SETD3: variants seen among roughly 807,000 people sequenced by gnomAD.
SETD3 encodes actin-histidine N-methyltransferase.
In SETD3, 19 loss-of-function variants were observed where a neutral mutation model predicts 63.0. The ratio of observed to expected loss-of-function variants is 0.30; its 90% CI spans 0.21 to 0.44. The LOEUF (loss-of-function observed/expected upper bound fraction) is 0.44. Ranked by LOEUF, SETD3 falls within the 20% of genes least tolerant of loss-of-function variation. The pLI is 1.00. For synonymous variants in SETD3, 286 were observed against 264.1 expected (o/e 1.08, Z -0.80); for missense variants, 587 against 728.5 (o/e 0.81, Z 2.24).
intron 6 of SETD3, among the ~76,000 whole-genome samples, chr14:99,442,084 G>A (rs1893853665): frequency 6.6e-6 from 1 of 152,202 alleles, no homozygotes; most frequent in Non-Finnish European, 1.5e-5. Flanking sequence ...TGAAGCGGCT[G>A]TGGAGGACAC....
chr14:99,486,035 G>A, the SETD3 span, among the ~76,000 whole-genome samples: 4 of 152,028 alleles, frequency 2.6e-5, no homozygotes, highest in Admixed American at 2.6e-4. Context: ...CATTTAAACT[G>A]TACAAATCAG....
chr14:99,480,039 G>T (rs1896188780), intron 1 of SETD3, among the ~76,000 whole-genome samples: 1 of 151,930 alleles, frequency 6.6e-6, no homozygotes, highest in Non-Finnish European at 1.5e-5. Flanking sequence ...CTAAAGCACC[G>T]AATTGCCTCT....
intron 6 of SETD3, among the ~76,000 whole-genome samples, chr14:99,440,431 G>C (rs1205686206): frequency 6.6e-6 from 1 of 152,134 alleles, no homozygotes; most frequent in Non-Finnish European, 1.5e-5. Flanking sequence ...CGTGCGAAGT[G>C]GAAATACCCA....
Position 99,441,443 on chromosome 14 carries a change from C to A in SETD3, c.675+16836G>T, listed in dbSNP as rs1893805982. ...GCAGTGCCACAGTGGTGCCCAAGGA[C>A]AGAAAGGCCCCACTCTTAAAGCTCA... On this transcript the variant is annotated intron_variant, in intron 6 of 12. Transcript: ENST00000331768. Among the ~76,000 whole-genome samples, 3 of 152,224 alleles carry A rather than the reference C, an allele frequency of 2.0e-5. No individual in the cohort carries two copies. The South Asian group carries it at 6.2e-4, about 32-fold the overall frequency.
intron 8 of SETD3, chr14:99,410,358 GA>G: frequency 1.7e-6 from 2 of 1,189,364 alleles, no homozygotes; most frequent in Non-Finnish European, 2.3e-6. Context: ...AAATGTTTTA[GA>G]TTTTTTTTTC....
chr14:99,451,170 T>C (rs1894437861), intron 6 of SETD3, among the ~76,000 whole-genome samples: 1 of 152,244 alleles, frequency 6.6e-6, no homozygotes, highest in Admixed American at 6.5e-5. Context: ...TTCCACTTAT[T>C]TCTATCACAA....
chr14:99,413,338 G>A (rs377028287), intron 7 of SETD3: 3 of 345,964 alleles, frequency 8.7e-6, no homozygotes. Flanking sequence ...GCCCCTTCCC[G>A]GATCTTCGTG....
chr14:99,467,886 C>A (rs549117437), intron 1 of SETD3, among the ~76,000 whole-genome samples: 1 of 152,178 alleles, frequency 6.6e-6, no homozygotes, highest in Admixed American at 6.5e-5. Context: ...CTTCTCTCAG[C>A]TATCCACCCA....
upstream of SETD3, among the ~76,000 whole-genome samples, chr14:99,483,844 G>T (rs368014619): frequency 6.6e-6 from 1 of 152,174 alleles, no homozygotes; most frequent in African/African-American, 2.4e-5. Flanking sequence ...GCCCTTACTC[G>T]GATTAACACT....
At chr14:99,454,789 C>T (rs1894664025) in intron 6 of SETD3, among the ~76,000 whole-genome samples, 1 of 152,156 alleles carries the variant, frequency 6.6e-6, no homozygotes, top group Non-Finnish European at 1.5e-5. Flanking sequence ...GTGATTTCAG[C>T]CCGAGCAGGC....
At chr14:99,404,804 TAAAG>T (rs1177060649) in intron 10 of SETD3, among the ~76,000 whole-genome samples, 5 of 152,222 alleles carry the variant, frequency 3.3e-5, no homozygotes, top group Non-Finnish European at 5.9e-5. Flanking sequence ...AAGAAAATCT[TAAAG>T]AACTTAACTA....
At chr14:99,473,920 G>T (rs1048107179) in intron 1 of SETD3, among the ~76,000 whole-genome samples, 1 of 152,156 alleles carries the variant, frequency 6.6e-6, no homozygotes, top group Non-Finnish European at 1.5e-5. Context: ...TATCAGAAAC[G>T]TGTTCTGGCT....
In SETD3 at chr14:99,410,704, TTA is replaced by T. The variant is rs1307245629; in HGVS notation, c.849+2245_849+2246del. Among the ~76,000 whole-genome samples the T allele has an allele frequency of 2.6e-5, 4 of 152,264 alleles. 1 individual carries two copies. Among genetic ancestry groups the T allele is most frequent in the Admixed American group, 6.5e-5 (1 of 15,288 alleles). ...TTCTCTGAGTGGCTAGGAAATTAGT[TTA>T]TATTCACCAGAATCTCTAGCCTAGG... On this transcript the variant is annotated intron_variant, in intron 8 of 12. Coordinates refer to ENST00000331768, the MANE Select transcript of SETD3 (RefSeq NM_032233.3).
chr14:99,464,053 A>G (rs1265267858), intron 2 of SETD3, among the ~76,000 whole-genome samples: 2 of 152,240 alleles, frequency 1.3e-5, no homozygotes, highest in African/African-American at 2.4e-5. Flanking sequence ...TAAATTGGAC[A>G]TAAGGACAAT....
intron 3 of SETD3, 126 bp downstream of exon 3, chr14:99,463,360 C>G: frequency 1.5e-6 from 1 of 678,998 alleles, no homozygotes; most frequent in Non-Finnish European, 2.5e-6. Flanking sequence ...GGTCTGCAAG[C>G]CCCAGTACAA....
At chr14:99,472,555 C>G (rs1895761164) in intron 1 of SETD3, among the ~76,000 whole-genome samples, 1 of 152,066 alleles carries the variant, frequency 6.6e-6, no homozygotes, top group Admixed American at 6.6e-5. Context: ...ATACTTCATG[C>G]TCTTCATGAA....
At chr14:99,481,598 C>G (rs1034593830), upstream of SETD3, 15 of 395,364 alleles carry the variant, frequency 3.8e-5, no homozygotes, top group East Asian at 4.7e-4. Flanking sequence ...GATTCTGCCT[C>G]CCTCCGCTAA....
chr14:99,481,332 T>A (rs1046084907), upstream of SETD3: 2 of 397,924 alleles, frequency 5.0e-6, no homozygotes, highest in African/African-American at 4.1e-5. Context: ...TCCCATTGGT[T>A]GACAGGCATC....
intron 8 of SETD3, chr14:99,411,627 T>C (rs1891996896): frequency 6.6e-6 from 1 of 152,100 alleles, no homozygotes; most frequent in African/African-American, 2.4e-5. Context: ...AATGATCTCA[T>C]TCAAAAAAAG....
Sources: gnomAD v4.1 joint callset for allele counts (sites outside exome capture counted in the v4.1 genomes callset) on GRCh38, gnomAD v4.1.1 for gene constraint, MANE v1.5 for transcripts, NCBI Gene and HGNC (gene_info 2026-07-23, HGNC 2026-07-21) for gene names.